Variants in METTL15 observed in about 807,000 individuals in gnomAD.
METTL15 encodes methyltransferase 15, mitochondrial 12S rRNA N4-cytidine, also known as 12S rRNA N(4)-cytidine methyltransferase METTL15.
Under a neutral mutation model 38.3 loss-of-function variants are expected in METTL15, and 34 were observed. The observed-to-expected ratio is 0.89, with a 90% CI of 0.68 to 1.18. The LOEUF (loss-of-function observed/expected upper bound fraction) is 1.18, where lower values mean the gene tolerates loss of function less well. METTL15 is among the 50% of genes most tolerant of loss of function. METTL15 has a pLI of 0.00. For synonymous variants in METTL15, 162 were observed against 170.9 expected, an observed-to-expected ratio of 0.95 and a Z score of 0.41; for missense variants, 438 against 498.4, an observed-to-expected ratio of 0.88 and a Z score of 1.15.
intron 6 of METTL15, among the ~76,000 whole-genome samples, chr11:28,321,359 C>T (rs1849461068): frequency 6.6e-6 from 1 of 152,010 alleles, no homozygotes; most frequent in African/African-American, 2.4e-5. Context: ...AACTTAGAGC[C>T]CTTTCTCTGA....
At chr11:28,168,650 TTTG>T (rs1335804394) in intron 3 of METTL15, among the ~76,000 whole-genome samples, 1 of 146,030 alleles carries the variant, frequency 6.8e-6, no homozygotes, top group African/African-American at 2.6e-5. Context: ...TGTGATGCTT[TTTG>T]TTAAGGAGAA....
intron 3 of METTL15, among the ~76,000 whole-genome samples, chr11:28,144,631 G>T (rs575181199): frequency 6.6e-6 from 1 of 151,960 alleles, no homozygotes; most frequent in East Asian, 1.9e-4. Flanking sequence ...ATATATGTGC[G>T]TGTGTGTAAT....
At chr11:28,341,190 G>A (rs1051680814) in intron 3 of METTL15, among the ~76,000 whole-genome samples, 3 of 152,102 alleles carry the variant, frequency 2.0e-5, no homozygotes, top group Non-Finnish European at 4.4e-5. Flanking sequence ...GGCTAGGGGA[G>A]GGATAGCATT....
intron 3 of METTL15, among the ~76,000 whole-genome samples, chr11:28,207,551 G>A (rs1265954933): frequency 6.6e-6 from 1 of 152,058 alleles, no homozygotes; most frequent in African/African-American, 2.4e-5. Flanking sequence ...GTTCATCAAG[G>A]ATATTGGTCT....
intron 6 of METTL15, among the ~76,000 whole-genome samples, chr11:28,308,190 G>A (rs1299787525): frequency 6.6e-6 from 1 of 151,828 alleles, no homozygotes; most frequent in Non-Finnish European, 1.5e-5. Context: ...CTGTTTCTCT[G>A]ATTACCTTTA....
intron 5 of METTL15, among the ~76,000 whole-genome samples, chr11:28,404,121 TA>T (rs1850654437): frequency 2.0e-5 from 3 of 152,034 alleles, no homozygotes; most frequent in African/African-American, 7.2e-5. Flanking sequence ...CCATAAGCAA[TA>T]TTTTTTAATA....
intron 4 of METTL15, among the ~76,000 whole-genome samples, chr11:28,218,217 A>G (rs1307841918): frequency 1.3e-5 from 2 of 152,106 alleles, no homozygotes; most frequent in African/African-American, 4.8e-5. Context: ...ACATGTTTGT[A>G]TCCTCTTTTA....
At chr11:28,290,513 C>A in intron 5 of METTL15, 116 bp downstream of exon 5, 1 of 836,660 alleles carries the variant, frequency 1.2e-6, no homozygotes, top group Non-Finnish European at 1.9e-6. Context: ...CCTAACACTA[C>A]CAATACATAA....
downstream of METTL15, among the ~76,000 whole-genome samples, chr11:28,527,261 C>A (rs1851818569): frequency 6.6e-6 from 1 of 152,180 alleles, no homozygotes; most frequent in African/African-American, 2.4e-5. Context: ...TATGCTTTGA[C>A]TCATAGTTTT....
At chr11:28,474,858 A>ACAT (rs1293296412) in intron 6 of METTL15, among the ~76,000 whole-genome samples, 2 of 152,198 alleles carry the variant, frequency 1.3e-5, no homozygotes, top group African/African-American at 4.8e-5. Flanking sequence ...ACTCCCATGC[A>ACAT]GTTACTAATG....
At chr11:28,168,935 G>A (rs915584590) in intron 3 of METTL15, among the ~76,000 whole-genome samples, 1 of 152,114 alleles carries the variant, frequency 6.6e-6, no homozygotes, top group African/African-American at 2.4e-5. Context: ...AGGCAGGTCA[G>A]GACCAGATTA....
intron 3 of METTL15, among the ~76,000 whole-genome samples, chr11:28,122,669 CT>C (rs944386463): frequency 1.3e-5 from 2 of 150,924 alleles, no homozygotes; most frequent in African/African-American, 4.9e-5. Context: ...GAATGTATAA[CT>C]TTTTTTTAAA....
intron 3 of METTL15, among the ~76,000 whole-genome samples, chr11:28,118,591 A>G (rs1287510283): frequency 6.6e-6 from 1 of 152,160 alleles, no homozygotes; most frequent in African/African-American, 2.4e-5. Flanking sequence ...GTTATTTTCT[A>G]AATAGCTAAA....
intron 6 of METTL15, among the ~76,000 whole-genome samples, chr11:28,525,991 G>C (rs866222435): frequency 6.6e-6 from 1 of 152,226 alleles, no homozygotes; most frequent in African/African-American, 2.4e-5. Flanking sequence ...CACAGCGCTG[G>C]TGGGCCAGCA....
chr11:28,327,529 TATAAA>T (rs1434899099), intron 6 of METTL15: 2 of 152,580 alleles, frequency 1.3e-5, no homozygotes, highest in East Asian at 3.8e-4. Context: ...AATTCTATAA[TATAAA>T]ATACTAATAA....
chr11:28,383,864 G>C (rs1348401390), intron 5 of METTL15, among the ~76,000 whole-genome samples: 1 of 151,878 alleles, frequency 6.6e-6, no homozygotes, highest in South Asian at 2.1e-4. Flanking sequence ...TTGTTAGATA[G>C]GTAAACTCAT....
intron 3 of METTL15, among the ~76,000 whole-genome samples, chr11:28,126,778 A>G (rs749693730): frequency 1.3e-5 from 2 of 152,110 alleles, no homozygotes; most frequent in Non-Finnish European, 2.9e-5. Flanking sequence ...GGAGCTTACA[A>G]TTTAGTGGTT....
chr11:28,373,891 C>T (rs1850274623), intron 5 of METTL15, among the ~76,000 whole-genome samples: 2 of 152,108 alleles, frequency 1.3e-5, no homozygotes, highest in Admixed American at 1.3e-4. Context: ...TATGGCTAGC[C>T]AGTTTTCCCA....
Position 28,284,663 on chromosome 11 carries a change from A to T in METTL15, c.408-5543A>T, listed in dbSNP as rs142470954. 3.9e-5 allele frequency among the ~76,000 whole-genome samples: 6 copies of T among 152,342 alleles called. No individual in the cohort carries two copies. In the East Asian group the frequency reaches 1.2e-3, roughly 29 times the overall value. ...AGGGATTTAGGCAATGTAAGTCAAC[A>T]GTGTGAAATAAATTCTAAAACTAAT... On this transcript the variant is annotated intron_variant, in intron 4 of 6. Transcript: ENST00000407364.
Sources: gnomAD v4.1 joint callset for allele counts (sites outside exome capture counted in the v4.1 genomes callset) on GRCh38, gnomAD v4.1.1 for gene constraint, MANE v1.5 for transcripts, NCBI Gene and HGNC (gene_info 2026-07-23, HGNC 2026-07-21) for gene names.